The following FAM228B variants were observed in gnomAD, a reference collection of about 807,000 sequenced individuals.
FAM228B encodes family with sequence similarity 228 member B.
A neutral mutation model predicts 42.6 loss-of-function variants in FAM228B; 38 were observed. The ratio of observed to expected loss-of-function variants is 0.89; its 90% confidence interval spans 0.69 to 1.17. The LOEUF is 1.17. Among genes scored for constraint, FAM228B ranks in the 50% most tolerant of loss-of-function variants. The pLI, the probability that FAM228B is intolerant of heterozygous loss-of-function variation, is 0.00. For synonymous variants in FAM228B, 109 were observed against 122.3 expected (o/e 0.89, Z 0.72); for missense variants, 344 against 367.3 (o/e 0.94, Z 0.52).
intron 9 of FAM228B, among the ~76,000 whole-genome samples, chr2:24,167,283 G>A (rs111345733): frequency 0.011 from 1,670 of 152,288 alleles, 10 homozygotes; most frequent in Non-Finnish European, 0.013. Flanking sequence ...AAATCAGTGC[G>A]GAGGGGCCTG....
At position 24,077,542 on chromosome 2, in the gene FAM228B, C is replaced by A; in HGVS notation, c.-290+573C>A. 6.3e-7 allele frequency: 1 copy of A among 1,589,206 alleles called. No homozygotes were observed. Among genetic ancestry groups the A allele is most frequent in the Non-Finnish European group, 8.6e-7 (1 of 1,168,842 alleles). On this transcript the variant is annotated intron_variant, in intron 1 of 10. Transcript: ENST00000613899. This position sits in a 1 kb window ranked among gnomAD's most constrained non-coding sequence, Gnocchi z 5.5. Reference sequence around the variant, plus strand: ...CTTCTCCAGGTTTGCTCTGGAAAGGCCTGGGGTGGCCGCGTCCTGTCCTGC... The same window carrying A: ...CTTCTCCAGGTTTGCTCTGGAAAGGACTGGGGTGGCCGCGTCCTGTCCTGC...
Position 24,077,600 on chromosome 2 carries a change from G to A in FAM228B, c.-290+631G>A, listed in dbSNP as rs758258385. 3.1e-6 allele frequency: 5 copies of A among 1,608,382 alleles called. No individual in the cohort carries two copies. Among genetic ancestry groups the A allele is most frequent in the Non-Finnish European group, 3.4e-6 (4 of 1,176,820 alleles). On this transcript the variant is annotated intron_variant, in intron 1 of 10. Transcript: ENST00000613899. This position sits in a 1 kb window ranked among gnomAD's most constrained non-coding sequence, Gnocchi z 5.5. ...TCCTTCACTGGGGCAGTTCCAGGAC[G>A]ATCTTGCCTATGTTCTTGTTGGCCT...
chr2:24,081,935 T>C (rs1236789092), intron 2 of FAM228B, among the ~76,000 whole-genome samples: 1 of 152,120 alleles, frequency 6.6e-6, no homozygotes, highest in African/African-American at 2.4e-5. Flanking sequence ...GACCTCATGA[T>C]CCACCCACCT....
At chr2:24,135,078 T>G (rs1666549020) in intron 2 of FAM228B, 41 bp from the exon 3 acceptor site, 1 of 1,284,282 alleles carries the variant, frequency 7.8e-7, no homozygotes, top group Non-Finnish European at 1.1e-6. Flanking sequence ...ACTAATAGTT[T>G]TTAAAGATTT....
intron 2 of FAM228B, among the ~76,000 whole-genome samples, chr2:24,094,029 CTTTTTTTT>C (rs57620033): frequency 3.9e-5 from 3 of 77,394 alleles, no homozygotes; most frequent in Admixed American, 2.1e-4. Flanking sequence ...TCGCCACATA[CTTTTTTTT>C]TTTTTTTTTT....
At position 24,169,477 on chromosome 2, in the gene FAM228B, C is replaced by A; in HGVS notation, c.*136C>A. The A allele has an allele frequency of 2.8e-6, 1 of 362,290 alleles. No individual in the cohort carries two copies. Among genetic ancestry groups the A allele is most frequent in the South Asian group, 2.0e-5 (1 of 49,014 alleles). The allele number at this position is 362,290 out of a possible 1,614,324, so 22.4% of individuals were successfully genotyped here. ...CAGGGTGAAGGCCAAGGACGGCACT[C>A]AAGAATTGTCCTGTCTCTAAAAAAA... On this transcript the variant is annotated 3_prime_UTR_variant, in exon 11 of 11. Transcript: ENST00000615575. This position sits in a 1 kb window ranked among gnomAD's most constrained non-coding sequence, Gnocchi z 4.2.
intron 3 of FAM228B, among the ~76,000 whole-genome samples, 176 bp from the exon 4 acceptor site, chr2:24,137,733 C>G (rs191597933): frequency 1.3e-5 from 2 of 152,244 alleles, no homozygotes; most frequent in East Asian, 3.9e-4. Context: ...TCCTTGTTTG[C>G]AGCAGAGTGT....
At chr2:24,149,371 G>A (rs563377007) in intron 7 of FAM228B, among the ~76,000 whole-genome samples, 12 of 152,196 alleles carry the variant, frequency 7.9e-5, no homozygotes, top group East Asian at 7.7e-4. Flanking sequence ...TTTTCTCTAC[G>A]TCTTTGCCAG....
In FAM228B at chr2:24,084,145, G is replaced by A. The variant is rs771477049; in HGVS notation, c.-210+3190G>A. On this transcript the variant is annotated intron_variant, in intron 2 of 10. Transcript: ENST00000613899. The surrounding 1 kb of genome is among the most constrained non-coding windows in gnomAD (Gnocchi z 8.4). ...TCCACTGAGTGCTGTTGAGAGGGAG[G>A]CTCTGGAGTCCCGCCCGCCCCGGCG... 3 of 1,577,050 alleles carry A rather than the reference G, an allele frequency of 1.9e-6. No individual in the cohort carries two copies. Among genetic ancestry groups the A allele is most frequent in the Non-Finnish European group, 2.6e-6 (3 of 1,165,422 alleles).
chr2:24,168,864 A>T (rs6723962), intron 10 of FAM228B, among the ~76,000 whole-genome samples: 1 of 152,050 alleles, frequency 6.6e-6, no homozygotes, highest in African/African-American at 2.4e-5. Context: ...GTACATGGAT[A>T]TAGGTCAAAC....
At position 24,146,912 on chromosome 2, in the gene FAM228B, T is replaced by A. The variant is rs1666907950; in HGVS notation, c.530-18T>A. The A allele has an allele frequency of 1.3e-6, 2 of 1,548,994 alleles. No homozygotes were observed. Among genetic ancestry groups the A allele is most frequent in the Non-Finnish European group, 1.7e-6 (2 of 1,144,846 alleles). On this transcript the variant is annotated intron_variant, in intron 6 of 10. Transcript: ENST00000615575. ...ATGCATTTAAGGATGTTAATTTAGA[T>A]TTTTATTCTTCCTTCAGGCAAAATA... is the stretch of plus-strand genomic sequence containing the variant.
At chr2:24,148,029 C>G (rs1666938264) in intron 7 of FAM228B, among the ~76,000 whole-genome samples, 1 of 150,256 alleles carries the variant, frequency 6.7e-6, no homozygotes, top group South Asian at 2.1e-4. Context: ...GCCTCTTCTT[C>G]TGTCAAGCAT....
intron 2 of FAM228B, among the ~76,000 whole-genome samples, chr2:24,086,682 C>T (rs1175577861): frequency 1.3e-5 from 2 of 152,102 alleles, no homozygotes; most frequent in Admixed American, 6.6e-5. Context: ...TATCTGCAAT[C>T]TGGAAGCTAG....
At chr2:24,167,888 T>C (rs951330833) in intron 10 of FAM228B, 1 of 519,606 alleles carries the variant, frequency 1.9e-6, no homozygotes, top group African/African-American at 1.9e-5. Context: ...TTGAAGCTAG[T>C]GGTTTTTCTC....
chr2:24,130,882 A>C (rs1303943311), intron 2 of FAM228B, among the ~76,000 whole-genome samples: 1 of 151,978 alleles, frequency 6.6e-6, no homozygotes, highest in Admixed American at 6.6e-5. Context: ...CCATGCCCTG[A>C]ATGTTATTGC....
At position 24,080,848 on chromosome 2, in the gene FAM228B, A is replaced by C. The variant is rs745394241; in HGVS notation, c.-289-28A>C. The C allele has an allele frequency of 6.2e-7, 1 of 1,614,184 alleles. No homozygotes were observed. On this transcript the variant is annotated intron_variant, in intron 1 of 10. Transcript: ENST00000613899. The surrounding 1 kb of genome is among the most constrained non-coding windows in gnomAD (Gnocchi z 4.7). ...GGTGAATTTCAGCGTTGCTTCAGAG[A>C]AATCCTCTTTTTTGTAATTGAATCC...
intron 3 of FAM228B, among the ~76,000 whole-genome samples, chr2:24,105,615 A>C (rs1455023332): frequency 6.6e-6 from 1 of 152,198 alleles, no homozygotes; most frequent in Non-Finnish European, 1.5e-5. Context: ...ACTGGGCTGG[A>C]ATGACTGAAA....
At chr2:24,092,836 G>A (rs1231071263) in intron 2 of FAM228B, among the ~76,000 whole-genome samples, 3 of 151,928 alleles carry the variant, frequency 2.0e-5, no homozygotes, top group Non-Finnish European at 4.4e-5. Flanking sequence ...TTGACATCAA[G>A]GGATTTCTGT....
At chr2:24,164,415 CT>C in intron 9 of FAM228B, 80 bp downstream of exon 9, 1 of 1,417,876 alleles carries the variant, frequency 7.1e-7, no homozygotes, top group Non-Finnish European at 9.4e-7. Flanking sequence ...TGGGAACTTT[CT>C]TTGTATGGCA....
Sources: gnomAD v4.1 joint callset for allele counts (sites outside exome capture counted in the v4.1 genomes callset) on GRCh38, gnomAD v4.1.1 for gene constraint, Gnocchi (gnomAD v3.1) non-coding constraint, MANE v1.5 for transcripts, NCBI Gene and HGNC (gene_info 2026-07-23, HGNC 2026-07-21) for gene names.